ADGRB3: variants seen among roughly 807,000 people sequenced by gnomAD.
ADGRB3 encodes the protein brain-specific angiogenesis inhibitor 3.
A neutral mutation model predicts 193.4 loss-of-function variants in ADGRB3; 37 were observed. The ratio of observed to expected loss-of-function variants is 0.19; its 90% CI spans 0.15 to 0.25. The LOEUF (loss-of-function observed/expected upper bound fraction) is 0.25. ADGRB3 is among the 10% of genes least tolerant of loss of function. The probability of loss-of-function intolerance (pLI) is 1.00; values close to 1 mark genes in which losing one functional copy is unlikely to be tolerated. For synonymous variants in ADGRB3, 690 were observed against 644.2 expected, an observed-to-expected ratio of 1.07 and a Z score of -1.08; for missense variants, 1,637 against 1,852.9, an observed-to-expected ratio of 0.88 and a Z score of 2.14.
intron 10 of ADGRB3, among the ~76,000 whole-genome samples, chr6:68,984,900 A>AT (rs61481283): frequency 6.0e-5 from 9 of 151,060 alleles, no homozygotes; most frequent in East Asian, 1.9e-4. Context: ...CATCTGATGG[A>AT]TTTTTTTTTT....
intron 3 of ADGRB3, among the ~76,000 whole-genome samples, chr6:68,732,682 G>A (rs79987107): frequency 1.2e-4 from 19 of 152,036 alleles, no homozygotes; most frequent in Middle Eastern, 3.4e-3. Flanking sequence ...GAAGGAGACC[G>A]TGAGACTCCA....
chr6:69,245,937 A>C (rs1303788526), intron 20 of ADGRB3, among the ~76,000 whole-genome samples: 2 of 152,152 alleles, frequency 1.3e-5, no homozygotes, highest in Admixed American at 1.3e-4. Context: ...ATTTGAATAT[A>C]TTTGTGCTTA....
At chr6:68,676,055 G>A (rs1582115883) in intron 3 of ADGRB3, among the ~76,000 whole-genome samples, 1 of 152,132 alleles carries the variant, frequency 6.6e-6, no homozygotes, top group African/African-American at 2.4e-5. Context: ...TTATTTGTAT[G>A]TATTTACACA....
At chr6:69,225,564 C>T (rs1459902875) in intron 17 of ADGRB3, among the ~76,000 whole-genome samples, 1 of 152,156 alleles carries the variant, frequency 6.6e-6, no homozygotes, top group Non-Finnish European at 1.5e-5. Context: ...AGGAAAGTCA[C>T]AACCTGTGGG....
intron 20 of ADGRB3, among the ~76,000 whole-genome samples, chr6:69,281,444 A>T (rs976110399): frequency 5.9e-5 from 9 of 152,206 alleles, no homozygotes; most frequent in African/African-American, 2.2e-4. Flanking sequence ...TTTGACACCC[A>T]ATCTGAATGT....
chr6:68,659,755 A>G (rs1445391084), intron 3 of ADGRB3, among the ~76,000 whole-genome samples: 2 of 151,234 alleles, frequency 1.3e-5, no homozygotes, highest in South Asian at 2.1e-4. Flanking sequence ...GATTAAGAAG[A>G]AGAATTTAGA....
In ADGRB3 at chr6:69,049,324, G is replaced by T; in HGVS notation, c.2311G>T (p.Asp771Tyr). ...TGGCGCAGTCCTATACAAAAACTTAGATCTAATTTTGCCCACTTTGAGGTA... is the reference window on the plus strand; with the variant it reads ...TGGCGCAGTCCTATACAAAAACTTATATCTAATTTTGCCCACTTTGAGGTA... ...VLGAVLYKNL[D>Y]LILPTLRNYT... is the part of the protein sequence containing the mutation. Residue 771 changes from aspartate to tyrosine, a missense_variant, in exon 15 of 32, where the codon GAT becomes TAT. This residue lies in a region of ADGRB3 where 641 missense variants were observed against 673.9 expected (regional missense o/e 0.95). Coordinates refer to ENST00000370598, the MANE Select transcript of ADGRB3 (RefSeq NM_001704.3). 1 of 1,608,184 alleles carries T rather than the reference G, an allele frequency of 6.2e-7. No individual in the cohort carries two copies. Among genetic ancestry groups the T allele is most frequent in the Non-Finnish European group, 8.5e-7 (1 of 1,176,674 alleles).
At position 69,346,468 on chromosome 6, in the gene ADGRB3, G is replaced by A. The variant is rs144679981; in HGVS notation, c.3459+6964G>A. ...TTGCAATCTATCCAACTGACAGAGGGCTAATATCCAGAATCTACAAGGAAC... is the reference window on the plus strand; with the variant it reads ...TTGCAATCTATCCAACTGACAGAGGACTAATATCCAGAATCTACAAGGAAC... On this transcript the variant is annotated intron_variant, in intron 26 of 31. Transcript: ENST00000370598. Among the ~76,000 whole-genome samples, 437 of 152,182 alleles carry A rather than the reference G, an allele frequency of 2.9e-3. 3 individuals are homozygous for A. The highest frequency in any genetic ancestry group is 1.0e-2 in the African/African-American group (415 of 41,534).
At chr6:69,072,984 G>T (rs1772120270) in intron 16 of ADGRB3, among the ~76,000 whole-genome samples, 1 of 152,160 alleles carries the variant, frequency 6.6e-6, no homozygotes, top group African/African-American at 2.4e-5. Context: ...TATGCCGTCT[G>T]TGAGAACCAG....
rs1767368775 is a variant in ADGRB3 at position 68,804,539 on chromosome 6, T to C, written c.758-126020T>C. Reference sequence around the variant, plus strand: ...TAATTAATCTTTACATTCACAGTTCTCAGCATATTATAAGTAATCACTAAT... The same window carrying C: ...TAATTAATCTTTACATTCACAGTTCCCAGCATATTATAAGTAATCACTAAT... On this transcript the variant is annotated intron_variant, in intron 3 of 31. Transcript: ENST00000370598. 3.3e-5 allele frequency among the ~76,000 whole-genome samples: 5 copies of C among 152,326 alleles called. No individual in the cohort carries two copies. The South Asian group carries it at 8.3e-4, about 25-fold the overall frequency.
chr6:68,704,442 T>A (rs1157724667), intron 3 of ADGRB3, among the ~76,000 whole-genome samples: 3 of 152,202 alleles, frequency 2.0e-5, no homozygotes, highest in Admixed American at 1.3e-4. Context: ...TAAAGCTTTT[T>A]GCTGTTTTTA....
chr6:69,203,467 A>G (rs565882570), intron 17 of ADGRB3, among the ~76,000 whole-genome samples: 224 of 146,938 alleles, frequency 1.5e-3, no homozygotes, highest in African/African-American at 5.2e-3. Context: ...TTTTTCTCTT[A>G]CCCATATTTA....
At chr6:69,142,397 G>A (rs572403481) in intron 17 of ADGRB3, among the ~76,000 whole-genome samples, 9 of 152,188 alleles carry the variant, frequency 5.9e-5, no homozygotes, top group Non-Finnish European at 1.2e-4. Flanking sequence ...GTGTATGTGC[G>A]TAGGAAGGGC....
rs532527316 is a variant in ADGRB3 at position 69,121,953 on chromosome 6, G to A, written c.2480+45915G>A. On this transcript the variant is annotated intron_variant, in intron 17 of 31. Coordinates refer to ENST00000370598, the MANE Select transcript of ADGRB3 (RefSeq NM_001704.3). ...CCAGACTGGGCGGCTGGGCAGAGGCGCTCCTCACATCCCAGACGATGGGCG... is the reference window on the plus strand; with the variant it reads ...CCAGACTGGGCGGCTGGGCAGAGGCACTCCTCACATCCCAGACGATGGGCG... 6.6e-5 allele frequency among the ~76,000 whole-genome samples: 10 copies of A among 151,144 alleles called. No homozygotes were observed. The South Asian group carries it at 1.3e-3, about 19-fold the overall frequency.
chr6:69,014,704 T>C (rs1770038437), intron 12 of ADGRB3, among the ~76,000 whole-genome samples: 1 of 152,038 alleles, frequency 6.6e-6, no homozygotes, highest in Non-Finnish European at 1.5e-5. Flanking sequence ...TGTTTTCCTC[T>C]GAATTACAGG....
chr6:69,126,479 T>G (rs987334032), intron 17 of ADGRB3, among the ~76,000 whole-genome samples: 1 of 152,166 alleles, frequency 6.6e-6, no homozygotes, highest in Non-Finnish European at 1.5e-5. Context: ...CAGGCTGCTG[T>G]GCAAGTCCTG....
rs180736546 is a variant in ADGRB3 at position 69,186,034 on chromosome 6, G to A, written c.2481-47256G>A. Among the ~76,000 whole-genome samples the A allele has an allele frequency of 4.9e-3, 749 of 152,174 alleles. 13 individuals are homozygous for A. Among genetic ancestry groups the A allele is most frequent in the South Asian group, 0.024 (116 of 4,822 alleles). ...CATGCATGTGTGTGCATTTGTGGGA[G>A]CAGTGCTGGTAACCAATTAGCTTTG... On this transcript the variant is annotated intron_variant, in intron 17 of 31. Coordinates refer to ENST00000370598, the MANE Select transcript of ADGRB3 (RefSeq NM_001704.3).
intron 3 of ADGRB3, among the ~76,000 whole-genome samples, chr6:68,860,885 T>A (rs1765134474): frequency 6.7e-6 from 1 of 149,670 alleles, no homozygotes. Context: ...GCTTTTTTTT[T>A]AAGAGCAGTG....
chr6:68,976,286 G>A (rs1174313344), intron 10 of ADGRB3, among the ~76,000 whole-genome samples: 1 of 152,008 alleles, frequency 6.6e-6, no homozygotes, highest in Non-Finnish European at 1.5e-5. Context: ...TTCATTATCA[G>A]AAAAAGAAAA....
Sources: gnomAD v4.1 joint callset for allele counts (sites outside exome capture counted in the v4.1 genomes callset) on GRCh38, gnomAD v4.1.1 for gene constraint, gnomAD v4.1.1 regional missense constraint, MANE v1.5 for transcripts, NCBI Gene and HGNC (gene_info 2026-07-23, HGNC 2026-07-21) for gene names.